The following LUZP2 variants were observed in gnomAD, a reference collection of about 807,000 sequenced individuals.
The protein encoded by LUZP2 is leucine zipper protein 2.
In LUZP2, 52 loss-of-function variants were observed where a neutral mutation model predicts 51.6. The ratio of observed to expected loss-of-function variants is 1.01; its 90% CI spans 0.81 to 1.27. LUZP2 has a LOEUF of 1.27. LUZP2 is among the 50% of genes most tolerant of loss of function. LUZP2 has a pLI of 0.00. For missense variants in LUZP2, 436 were observed against 395.4 expected (o/e 1.10, Z -0.87); for synonymous variants, 154 against 137.3 (o/e 1.12, Z -0.85).
At chr11:24,976,543 G>C (rs767430654) in intron 7 of LUZP2, 48 bp from the exon 8 acceptor site, 7 of 1,294,730 alleles carry the variant, frequency 5.4e-6, no homozygotes, top group African/African-American at 4.7e-5. Context: ...TTAAAGTACA[G>C]AGGGAAATTG....
At chr11:24,808,380 T>C (rs1590566607) in intron 5 of LUZP2, among the ~76,000 whole-genome samples, 1 of 152,174 alleles carries the variant, frequency 6.6e-6, no homozygotes. Context: ...ATTCTGAAGG[T>C]TGGCAAATTC....
chr11:24,552,620 A>G (rs562325701), intron 1 of LUZP2, among the ~76,000 whole-genome samples: 6 of 152,046 alleles, frequency 3.9e-5, no homozygotes, highest in Non-Finnish European at 8.8e-5. Context: ...GTTGATAGAT[A>G]CAAGATCAGC....
At chr11:24,734,240 T>C (rs2716451) in intron 3 of LUZP2, among the ~76,000 whole-genome samples, 119,231 of 151,532 alleles carry the variant, frequency 0.79, 47,272 homozygotes, top group Admixed American at 0.87. Context: ...CTTTCCTTAC[T>C]ACAGGAGGGA....
rs181093688 is a variant in LUZP2 at position 24,939,652 on chromosome 11, A to G, written c.522+25114A>G. Among the ~76,000 whole-genome samples, 397 of 152,324 alleles carry G rather than the reference A, an allele frequency of 2.6e-3. 2 individuals are homozygous for G. Among genetic ancestry groups the G allele is most frequent in the African/African-American group, 9.0e-3 (373 of 41,588 alleles). On this transcript the variant is annotated intron_variant, in intron 7 of 11. Transcript: ENST00000336930. The stretch of plus-strand genomic sequence containing the variant: ...CAAAATGGACTGCCATTTGGACACG[A>G]ATCACTATTTAATAAATTGTCATAG...
chr11:24,845,297 T>C (rs1851166430), intron 5 of LUZP2, among the ~76,000 whole-genome samples: 1 of 152,220 alleles, frequency 6.6e-6, no homozygotes, highest in Admixed American at 6.5e-5. Flanking sequence ...CTGCTGGATT[T>C]CAGATTTGCA....
chr11:24,770,666 C>A (rs909436175), intron 5 of LUZP2, among the ~76,000 whole-genome samples: 8 of 152,124 alleles, frequency 5.3e-5, no homozygotes, highest in African/African-American at 1.9e-4. Context: ...TCCAAATAGC[C>A]ATTGACACAT....
chr11:24,802,038 T>C (rs1564911746), intron 5 of LUZP2, among the ~76,000 whole-genome samples: 1 of 152,036 alleles, frequency 6.6e-6, no homozygotes. Context: ...CAAACATTAC[T>C]ACATTACCAA....
chr11:24,903,910 C>A (rs974577244), intron 5 of LUZP2, among the ~76,000 whole-genome samples: 25 of 152,108 alleles, frequency 1.6e-4, no homozygotes, highest in African/African-American at 5.8e-4. Context: ...AAAGAGTATA[C>A]CTCTCAGGCC....
At chr11:24,582,710 T>C (rs182300353) in intron 1 of LUZP2, among the ~76,000 whole-genome samples, 1 of 152,206 alleles carries the variant, frequency 6.6e-6, no homozygotes, top group African/African-American at 2.4e-5. Context: ...ATCACATAGG[T>C]CTAGAAGAAA....
intron 1 of LUZP2, among the ~76,000 whole-genome samples, chr11:24,728,820 T>C (rs1858593328): frequency 6.6e-6 from 1 of 151,922 alleles, no homozygotes; most frequent in Admixed American, 6.6e-5. Flanking sequence ...GACTGGGTAA[T>C]TTATAAAGAA....
At chr11:24,908,264 A>G (rs1853520831) in intron 6 of LUZP2, among the ~76,000 whole-genome samples, 1 of 152,222 alleles carries the variant, frequency 6.6e-6, no homozygotes, top group Non-Finnish European at 1.5e-5. Context: ...AAGGGAAGCT[A>G]CTATAAACAC....
chr11:24,628,169 ACT>A (rs1260531647), intron 1 of LUZP2, among the ~76,000 whole-genome samples: 1 of 150,714 alleles, frequency 6.6e-6, no homozygotes, highest in Middle Eastern at 3.2e-3. Context: ...TAAAATTATG[ACT>A]CACACACTTG....
intron 1 of LUZP2, among the ~76,000 whole-genome samples, chr11:24,634,963 C>T (rs1037159615): frequency 3.3e-5 from 5 of 152,054 alleles, no homozygotes; most frequent in Non-Finnish European, 7.4e-5. Flanking sequence ...AAATCAGTCT[C>T]TCATTTGATC....
At chr11:24,633,921 T>C (rs1024684392) in intron 1 of LUZP2, among the ~76,000 whole-genome samples, 1 of 149,642 alleles carries the variant, frequency 6.7e-6, no homozygotes, top group Non-Finnish European at 1.5e-5. Context: ...TTAAAATGTA[T>C]TTTTTTAGTC....
intron 1 of LUZP2, among the ~76,000 whole-genome samples, chr11:24,541,451 A>G (rs1355380601): frequency 6.6e-6 from 1 of 151,982 alleles, no homozygotes; most frequent in Non-Finnish European, 1.5e-5. Context: ...CTATTTATAA[A>G]CTTAATTTAG....
intron 5 of LUZP2, among the ~76,000 whole-genome samples, chr11:24,821,082 GTC>G (rs1340269301): frequency 6.6e-5 from 10 of 152,200 alleles, no homozygotes; most frequent in Middle Eastern, 3.4e-3. Flanking sequence ...CGAAATCACT[GTC>G]TCATATTTTA....
intron 5 of LUZP2, among the ~76,000 whole-genome samples, chr11:24,784,164 G>A (rs906707198): frequency 8.6e-5 from 13 of 151,764 alleles, no homozygotes; most frequent in Non-Finnish European, 1.9e-4. Flanking sequence ...CCTTTTTTCA[G>A]TAATGTCAGA....
At chr11:24,587,508 C>A (rs961307746) in intron 1 of LUZP2, among the ~76,000 whole-genome samples, 2 of 152,094 alleles carry the variant, frequency 1.3e-5, no homozygotes, top group Admixed American at 1.3e-4. Flanking sequence ...AGTTTGTGAT[C>A]AGCCTATGCC....
chr11:24,571,854 C>T (rs1590194608), intron 1 of LUZP2, among the ~76,000 whole-genome samples: 1 of 151,996 alleles, frequency 6.6e-6, no homozygotes, highest in Non-Finnish European at 1.5e-5. Flanking sequence ...GAAATTATAG[C>T]TTGTGATTAC....
Sources: gnomAD v4.1 joint callset for allele counts (sites outside exome capture counted in the v4.1 genomes callset) on GRCh38, gnomAD v4.1.1 for gene constraint, MANE v1.5 for transcripts, NCBI Gene and HGNC (gene_info 2026-07-23, HGNC 2026-07-21) for gene names.